SNAP25: variants seen among roughly 807,000 people sequenced by gnomAD.
SNAP25 encodes the protein synaptosome associated protein 25.
SNAP25 carries 3 observed loss-of-function variants against 28.7 expected under a neutral mutation model. The ratio of observed to expected loss-of-function variants is 0.10; its 90% CI spans 0.05 to 0.27. SNAP25 has a LOEUF of 0.27. SNAP25 is among the 10% of genes least tolerant of loss of function. The probability of loss-of-function intolerance (pLI) is 1.00; values close to 1 mark genes in which losing one functional copy is unlikely to be tolerated. For missense variants in SNAP25, 117 were observed against 278.7 expected (o/e 0.42, Z 4.13); for synonymous variants, 61 against 88.1 (o/e 0.69, Z 1.72).
chr20:10,234,111 T>C (rs894646661), intron 1 of SNAP25, among the ~76,000 whole-genome samples: 1 of 152,202 alleles, frequency 6.6e-6, no homozygotes, highest in African/African-American at 2.4e-5. Flanking sequence ...ACCAAGCAAT[T>C]GCGTTGATTT....
At chr20:10,233,498 A>G (rs998458177) in intron 1 of SNAP25, among the ~76,000 whole-genome samples, 1 of 152,216 alleles carries the variant, frequency 6.6e-6, no homozygotes, top group African/African-American at 2.4e-5. Flanking sequence ...TTTACTAACC[A>G]AAACCCATCG....
intron 1 of SNAP25, among the ~76,000 whole-genome samples, chr20:10,237,663 A>C (rs949926019): frequency 6.6e-6 from 1 of 152,148 alleles, no homozygotes; most frequent in Non-Finnish European, 1.5e-5. Flanking sequence ...TTCATACATC[A>C]TCACATCCAG....
intron 6 of SNAP25, among the ~76,000 whole-genome samples, chr20:10,298,071 C>T (rs928036534): frequency 6.6e-6 from 1 of 151,314 alleles, no homozygotes; most frequent in African/African-American, 2.4e-5. Context: ...CCCAAGGGTT[C>T]TCAAGCCTGG....
intron 4 of SNAP25, among the ~76,000 whole-genome samples, chr20:10,292,258 A>G (rs1374442658): frequency 6.6e-6 from 1 of 152,172 alleles, no homozygotes; most frequent in Non-Finnish European, 1.5e-5. Context: ...AGGACTTACA[A>G]TGTTGCTGTG....
chr20:10,274,169 A>G (rs897841653), intron 1 of SNAP25, among the ~76,000 whole-genome samples: 7 of 152,136 alleles, frequency 4.6e-5, no homozygotes, highest in African/African-American at 1.4e-4. Flanking sequence ...TCTCTCCGGA[A>G]TAGACCCAGT....
intron 1 of SNAP25, among the ~76,000 whole-genome samples, chr20:10,222,106 C>T (rs931744975): frequency 6.6e-6 from 1 of 152,176 alleles, no homozygotes; most frequent in Non-Finnish European, 1.5e-5. Flanking sequence ...ACTGATCAAT[C>T]GGTATTCACC....
intron 1 of SNAP25, among the ~76,000 whole-genome samples, chr20:10,230,839 T>C (rs1278646261): frequency 6.6e-6 from 1 of 152,164 alleles, no homozygotes; most frequent in Non-Finnish European, 1.5e-5. Context: ...GAAGATGCTA[T>C]TTTTCTTCCA....
chr20:10,221,377 C>A (rs1315007205), intron 1 of SNAP25, among the ~76,000 whole-genome samples: 2 of 152,122 alleles, frequency 1.3e-5, no homozygotes, highest in African/African-American at 4.8e-5. Context: ...AAAAATATAT[C>A]ATTGAACCAT....
chr20:10,246,573 CA>C (rs1796752035), intron 1 of SNAP25, among the ~76,000 whole-genome samples: 1 of 152,124 alleles, frequency 6.6e-6, no homozygotes. Context: ...AGCCCTCAGC[CA>C]CAATGCACAC....
intron 1 of SNAP25, among the ~76,000 whole-genome samples, chr20:10,224,726 C>A (rs1298885245): frequency 6.6e-6 from 1 of 152,010 alleles, no homozygotes; most frequent in African/African-American, 2.4e-5. Flanking sequence ...GTTAAGAAAT[C>A]CTGTCTTCTT....
intron 6 of SNAP25, among the ~76,000 whole-genome samples, chr20:10,298,369 TA>T (rs2064160341): frequency 1.3e-5 from 2 of 152,240 alleles, no homozygotes; most frequent in Non-Finnish European, 2.9e-5. Context: ...TTTGAAACCA[TA>T]ATGAGCCAGT....
chr20:10,242,042 G>A (rs2063043335), intron 1 of SNAP25, among the ~76,000 whole-genome samples: 1 of 152,172 alleles, frequency 6.6e-6, no homozygotes, highest in African/African-American at 2.4e-5. Flanking sequence ...GACAGTAATG[G>A]CCAGCGGGTG....
At chr20:10,280,693 C>T (rs1334482813) in intron 3 of SNAP25, among the ~76,000 whole-genome samples, 1 of 152,174 alleles carries the variant, frequency 6.6e-6, no homozygotes, top group African/African-American at 2.4e-5. Flanking sequence ...AAATTAAGCC[C>T]AGGAAAAGCC....
intron 1 of SNAP25, among the ~76,000 whole-genome samples, chr20:10,270,848 G>C (rs1297432428): frequency 6.6e-6 from 1 of 152,160 alleles, no homozygotes; most frequent in Non-Finnish European, 1.5e-5. Flanking sequence ...GCTCTGTCCT[G>C]GACCACACCT....
Position 10,296,869 on chromosome 20 carries a change from T to C in SNAP25, c.282-56T>C, listed in dbSNP as rs886298677. 6.8e-6 allele frequency: 11 copies of C among 1,608,980 alleles called. No homozygotes were observed. The African/African-American group carries it at 1.5e-4, about 22-fold the overall frequency. On this transcript the variant is annotated intron_variant, in intron 5 of 7. Coordinates refer to ENST00000254976, the MANE Select transcript of SNAP25 (RefSeq NM_130811.4). ...TCTTCGCTTGAAGAAGTGACAATTG[T>C]TGAGAGCTTGCTCCTCCACCCCTGT...
chr20:10,245,592 G>A (rs529837965), intron 1 of SNAP25, among the ~76,000 whole-genome samples: 6 of 152,268 alleles, frequency 3.9e-5, no homozygotes, highest in African/African-American at 9.6e-5. Flanking sequence ...TCAAAGTATC[G>A]CATTTACAGT....
Position 10,293,548 on chromosome 20 carries a change from G to A in SNAP25, c.281+270G>A, listed in dbSNP as rs2064043349. 6.6e-6 allele frequency among the ~76,000 whole-genome samples: 1 copy of A among 152,220 alleles called. No homozygotes were observed. Among genetic ancestry groups the A allele is most frequent in the Non-Finnish European group, 1.5e-5 (1 of 68,034 alleles). ...CAACATTTTCCAGAAAGTGTACCTT[G>A]AGACAGAGGCTAGCCTCAAGAAAGA... On this transcript the variant is annotated intron_variant, in intron 5 of 7. Coordinates refer to ENST00000254976, the MANE Select transcript of SNAP25 (RefSeq NM_130811.4). The surrounding 1 kb of genome is among the most constrained non-coding windows in gnomAD (Gnocchi z 5.6).
chr20:10,265,706 T>C lies in SNAP25; in HGVS notation c.-63-9723T>C, dbSNP rs182519107. Among the ~76,000 whole-genome samples, 607 of 152,216 alleles carry C rather than the reference T, an allele frequency of 4.0e-3. 2 individuals are homozygous for C. The highest frequency in any genetic ancestry group is 0.013 in the African/African-American group (558 of 41,522). On this transcript the variant is annotated intron_variant, in intron 1 of 7. Coordinates refer to ENST00000254976, the MANE Select transcript of SNAP25 (RefSeq NM_130811.4). ...AATGATGTTGGGAGTCTGTAGGACA[T>C]GTGAATTGGTGAGGTTAAAATAACA...
At chr20:10,235,113 G>A (rs569485193) in intron 1 of SNAP25, among the ~76,000 whole-genome samples, 11 of 152,112 alleles carry the variant, frequency 7.2e-5, no homozygotes, top group African/African-American at 2.4e-4. Context: ...TGCACCAGCA[G>A]TCCCAGCCAC....
Sources: allele counts gnomAD v4.1 joint callset (sites outside exome capture counted in the v4.1 genomes callset), GRCh38; gene constraint gnomAD v4.1.1; non-coding constraint Gnocchi (gnomAD v3.1); transcripts MANE v1.5; gene names NCBI Gene and HGNC (gene_info 2026-07-23, HGNC 2026-07-21).